PPCDC: variants seen among roughly 807,000 people sequenced by gnomAD.
PPCDC encodes phosphopantothenoylcysteine decarboxylase.
A neutral mutation model predicts 20.7 loss-of-function variants in PPCDC; 20 were observed. That is an observed-to-expected ratio of 0.97 (90% CI 0.68 to 1.41). PPCDC has a LOEUF of 1.41. Ranked by LOEUF, PPCDC falls within the 40% of genes most tolerant of loss-of-function variation. PPCDC has a pLI of 0.00. For synonymous variants in PPCDC, 88 were observed against 100.3 expected, an observed-to-expected ratio of 0.88 and a Z score of 0.73; for missense variants, 246 against 263.8, an observed-to-expected ratio of 0.93 and a Z score of 0.47.
chr15:75,040,813 C>G (rs910371450), intron 2 of PPCDC, among the ~76,000 whole-genome samples: 1 of 152,112 alleles, frequency 6.6e-6, no homozygotes, highest in Non-Finnish European at 1.5e-5. Context: ...CAGGCGCACA[C>G]CACCATGCCT....
At chr15:75,043,629 C>T (rs2066183813) in intron 3 of PPCDC, 93 bp downstream of exon 3, 3 of 1,156,418 alleles carry the variant, frequency 2.6e-6, no homozygotes, top group Non-Finnish European at 2.5e-6. Flanking sequence ...GCAGCTGGAA[C>T]AGACAGGCTG....
intron 2 of PPCDC, among the ~76,000 whole-genome samples, chr15:75,035,177 A>G (rs11631363): frequency 1.1e-3 from 163 of 152,252 alleles, no homozygotes; most frequent in Non-Finnish European, 1.8e-3. Context: ...TTCACGGATA[A>G]TGCTGTAGAG....
intron 5 of PPCDC, 108 bp from the exon 6 acceptor site, chr15:75,049,042 C>A: frequency 9.4e-7 from 1 of 1,069,460 alleles, no homozygotes; most frequent in Non-Finnish European, 1.4e-6. Flanking sequence ...ACAGACCTTG[C>A]CCTCTCAGGC....
At chr15:75,044,352 C>G in intron 3 of PPCDC, 34 bp from the exon 4 acceptor site, 1 of 1,609,998 alleles carries the variant, frequency 6.2e-7, no homozygotes. Context: ...ATCCTGCTTC[C>G]TCCACACTGA....
chr15:75,048,640 G>A lies in PPCDC; in HGVS notation c.448G>A (p.Ala150Thr). 6.2e-7 allele frequency: 1 copy of A among 1,614,258 alleles called. No homozygotes were observed. Reference protein sequence around the residue: ...NTAMWEHPITAQQVDQLKAFG... With the variant: ...NTAMWEHPITTQQVDQLKAFG... ...CGCCATGTGGGAGCACCCGATCACA[G>A]CGCAGCAGGTAGACCAGCTCAAGGC... Residue 150 changes from alanine (A) to threonine (T), a missense_variant, in exon 5 of 6, where the codon GCG becomes ACG. Physicochemically the swap from Ala to Thr is moderately conservative, Grantham distance 58. Around this residue, in one of 2 missense-constraint regions of PPCDC, gnomAD observed 225 missense variants for 222.6 expected, o/e 1.01. Coordinates refer to ENST00000342932, the MANE Select transcript of PPCDC (RefSeq NM_021823.5).
At chr15:75,035,137 G>A (rs984821253) in intron 2 of PPCDC, among the ~76,000 whole-genome samples, 12 of 152,176 alleles carry the variant, frequency 7.9e-5, no homozygotes, top group Admixed American at 2.0e-4. Flanking sequence ...AGGTAGGGCC[G>A]TTCCCATCAT....
chr15:75,029,818 C>T (rs1438119741), intron 2 of PPCDC, among the ~76,000 whole-genome samples: 1 of 152,064 alleles, frequency 6.6e-6, no homozygotes, highest in African/African-American at 2.4e-5. Context: ...CCATGCAGTT[C>T]CCTTTTCCCA....
chr15:75,039,697 G>T (rs182773905), intron 2 of PPCDC, among the ~76,000 whole-genome samples: 1 of 151,938 alleles, frequency 6.6e-6, no homozygotes, highest in Non-Finnish European at 1.5e-5. Context: ...GCTTCCTTTC[G>T]CTTCCATCTT....
At chr15:75,033,688 C>T (rs1429353434) in intron 2 of PPCDC, among the ~76,000 whole-genome samples, 2 of 151,736 alleles carry the variant, frequency 1.3e-5, no homozygotes, top group Admixed American at 6.6e-5. Flanking sequence ...GCCACCTGCC[C>T]GCTCTGTGTC....
In PPCDC at chr15:75,048,768, A is replaced by C. The variant is rs190376109; in HGVS notation, c.529+47A>C. The C allele has an allele frequency of 1.9e-6, 3 of 1,590,190 alleles. No individual in the cohort carries two copies. The African/African-American group carries it at 4.0e-5, about 21-fold the overall frequency. On this transcript the variant is annotated intron_variant, in intron 5 of 5. Coordinates refer to ENST00000342932, the MANE Select transcript of PPCDC (RefSeq NM_021823.5). ...TAGCCCAGGGCTGTAGAAGGGGCTCAGCTTTGGGGTCATATCTCAGTTCAG... is the reference window on the plus strand; with the variant it reads ...TAGCCCAGGGCTGTAGAAGGGGCTCCGCTTTGGGGTCATATCTCAGTTCAG...
At chr15:75,024,097 A>G (rs546295863) in intron 1 of PPCDC, among the ~76,000 whole-genome samples, 1 of 152,336 alleles carries the variant, frequency 6.6e-6, no homozygotes, top group East Asian at 1.9e-4. Context: ...GCTGAGTGCT[A>G]TTTAAAAATT....
Position 75,049,203 on chromosome 15 carries a change from C to T in PPCDC, c.583C>T (p.Leu195Phe). 1.2e-6 allele frequency: 2 copies of T among 1,614,206 alleles called. No homozygotes were observed. Among genetic ancestry groups the T allele is most frequent in the Non-Finnish European group, 1.7e-6 (2 of 1,180,030 alleles). ...GTIVDKVKEV[L>F]FQHSGFQQS ...CATCGTGGACAAAGTGAAAGAAGTCCTCTTCCAGCACAGTGGCTTCCAGCA... is the reference window on the plus strand; with the variant it reads ...CATCGTGGACAAAGTGAAAGAAGTCTTCTTCCAGCACAGTGGCTTCCAGCA... The change falls in exon 6 of 6, where the codon CTC becomes TTC. Residue 195 changes from leucine (L) to phenylalanine (F), a missense_variant. Around this residue, in one of 2 missense-constraint regions of PPCDC, gnomAD observed 21 missense variants for 41.2 expected, o/e 0.51. Transcript: ENST00000342932.
At chr15:75,032,852 G>A (rs931576832) in intron 2 of PPCDC, among the ~76,000 whole-genome samples, 1 of 151,770 alleles carries the variant, frequency 6.6e-6, no homozygotes, top group African/African-American at 2.4e-5. Context: ...TCAGGCTGGA[G>A]TGCAGTGGTG....
At chr15:75,030,933 G>A (rs2141478042) in intron 2 of PPCDC, among the ~76,000 whole-genome samples, 1 of 152,224 alleles carries the variant, frequency 6.6e-6, no homozygotes, top group East Asian at 1.9e-4. Flanking sequence ...GAGAGACATG[G>A]ATTAGCCACA....
At chr15:75,046,250 C>CCACA (rs1480995159) in intron 4 of PPCDC, among the ~76,000 whole-genome samples, 1 of 152,228 alleles carries the variant, frequency 6.6e-6, no homozygotes, top group Non-Finnish European at 1.5e-5. Flanking sequence ...AGCACTGGTG[C>CCACA]CACAACTGAC....
At chr15:75,029,553 A>G (rs1044007866) in intron 2 of PPCDC, among the ~76,000 whole-genome samples, 3 of 152,014 alleles carry the variant, frequency 2.0e-5, no homozygotes, top group African/African-American at 4.8e-5. Context: ...ACCAACTTCC[A>G]CCCAGAAAGT....
chr15:75,043,843 G>A (rs1334454085), intron 3 of PPCDC: 1 of 358,718 alleles, frequency 2.8e-6, no homozygotes, highest in Non-Finnish European at 5.1e-6. Flanking sequence ...TGTCCACGTG[G>A]TTCCTGGCGT....
At chr15:75,035,778 C>A (rs2066077215) in intron 2 of PPCDC, among the ~76,000 whole-genome samples, 1 of 151,954 alleles carries the variant, frequency 6.6e-6, no homozygotes, top group African/African-American at 2.4e-5. Flanking sequence ...ACCAGCCTGG[C>A]CAACATGGTG....
In PPCDC at chr15:75,044,399, G is replaced by T. The variant is rs758909637; in HGVS notation, c.245G>T (p.Arg82Leu). ...DADEWEIWKSRSDPVLHIDLR... is the reference protein window; with the variant it reads ...DADEWEIWKSLSDPVLHIDLR... ...TCCCTCTGCCAGATATGGAAGAGCC[G>T]CTCTGACCCAGTTCTGCACATTGAC... The change falls in exon 4 of 6, where the codon CGC (arginine) becomes CTC (leucine). Residue 82 changes from arginine to leucine, a missense_variant. By Grantham distance (102) the Arg-to-Leu change is moderately radical (BLOSUM62 -2). Coordinates refer to ENST00000342932, the MANE Select transcript of PPCDC (RefSeq NM_021823.5). 1.9e-6 allele frequency: 3 copies of T among 1,613,730 alleles called. No homozygotes were observed. The highest frequency in any genetic ancestry group is 1.7e-5 in the Admixed American group (1 of 60,002).
Sources: gnomAD v4.1 joint callset for allele counts (sites outside exome capture counted in the v4.1 genomes callset) on GRCh38, gnomAD v4.1.1 for gene constraint, gnomAD v4.1.1 regional missense constraint, MANE v1.5 for transcripts, NCBI Gene and HGNC (gene_info 2026-07-23, HGNC 2026-07-21) for gene names.